Variants in GRTP1 observed in about 807,000 individuals in gnomAD.
GRTP1 encodes the protein growth hormone-regulated TBC protein 1.
In GRTP1, 56 loss-of-function variants were observed where a neutral mutation model predicts 38.1. The ratio of observed to expected loss-of-function variants is 1.47; its 90% CI spans 1.19 to 1.84. The LOEUF is 1.84. Among genes scored for constraint, GRTP1 ranks in the 40% most tolerant of loss-of-function variants. The pLI is 0.00. For synonymous variants in GRTP1, 217 were observed against 189.5 expected, an observed-to-expected ratio of 1.14 and a Z score of -1.19; for missense variants, 506 against 453.9, an observed-to-expected ratio of 1.11 and a Z score of -1.04.
chr13:113,328,405 C>G (rs1566413406), intron 5 of GRTP1, among the ~76,000 whole-genome samples: 1 of 152,250 alleles, frequency 6.6e-6, no homozygotes, highest in African/African-American at 2.4e-5. Flanking sequence ...CATTTCCACT[C>G]TGCAGATCTT....
chr13:113,332,769 G>C (rs1231653801), intron 5 of GRTP1, among the ~76,000 whole-genome samples: 3 of 152,266 alleles, frequency 2.0e-5, no homozygotes, highest in South Asian at 2.1e-4. Flanking sequence ...GAAGGCCCAT[G>C]GGGTGAGCCC....
intron 4 of GRTP1, 28 bp from the exon 5 acceptor site, chr13:113,344,987 T>C (rs2139452815): frequency 1.3e-6 from 2 of 1,582,872 alleles, no homozygotes. Context: ...AGAAACAAAT[T>C]CACATTGAGT....
chr13:113,355,380 A>G lies in GRTP1; in HGVS notation c.283T>C (p.Tyr95His). ...CTCTCTCCCTGGAGAAGCTGGTGGT[A>G]GTAGCCGGGATTCTGGTCCATCTGC... ...QAQMDQNPGY[Y>H]HQLLQGERNP... is the part of the protein sequence containing the mutation. Residue 95 changes from tyrosine (Y) to histidine (H), a missense_variant, in exon 3 of 8, where the codon TAC becomes CAC. Transcript: ENST00000375431. 9.9e-6 allele frequency: 16 copies of G among 1,614,112 alleles called. No individual in the cohort carries two copies. Among genetic ancestry groups the G allele is most frequent in the Non-Finnish European group, 1.4e-5 (16 of 1,180,006 alleles).
intron 2 of GRTP1, among the ~76,000 whole-genome samples, chr13:113,360,652 C>A (rs2043478585): frequency 6.6e-6 from 1 of 152,204 alleles, no homozygotes; most frequent in Non-Finnish European, 1.5e-5. Context: ...CTCCATGTGC[C>A]TCCCACCGGA....
chr13:113,363,732 T>C (rs749476636), intron 2 of GRTP1, 30 bp downstream of exon 2: 63 of 1,544,980 alleles, frequency 4.1e-5, no homozygotes, highest in Middle Eastern at 4.4e-4. Flanking sequence ...ACCTGCGCCC[T>C]CGGGACCCAC....
chr13:113,352,337 TTA>T (rs369351829), intron 3 of GRTP1, among the ~76,000 whole-genome samples: 31 of 51,526 alleles, frequency 6.0e-4, no homozygotes, highest in African/African-American at 9.4e-4. Flanking sequence ...TATATATATT[TTA>T]TATATATATT....
intron 3 of GRTP1, chr13:113,352,062 AT>A (rs2139502129): frequency 6.8e-6 from 1 of 147,784 alleles, no homozygotes; most frequent in Non-Finnish European, 1.5e-5. Flanking sequence ...CTCAGAGCAC[AT>A]TATTTCTCAT....
At chr13:113,331,482 G>T (rs947567977) in intron 5 of GRTP1, among the ~76,000 whole-genome samples, 12 of 152,036 alleles carry the variant, frequency 7.9e-5, no homozygotes, top group Non-Finnish European at 1.8e-4. Flanking sequence ...AGCCACCCGG[G>T]TGCCCACCCA....
chr13:113,358,248 A>C (rs1472989879), intron 2 of GRTP1, among the ~76,000 whole-genome samples: 2 of 152,240 alleles, frequency 1.3e-5, no homozygotes, highest in Non-Finnish European at 2.9e-5. Context: ...AAGAAATAAA[A>C]GGAGAAATAC....
At chr13:113,354,817 G>A (rs894697073) in intron 3 of GRTP1, among the ~76,000 whole-genome samples, 2 of 152,138 alleles carry the variant, frequency 1.3e-5, no homozygotes, top group African/African-American at 4.8e-5. Context: ...GTGAGCCACC[G>A]CGCCCGGCCT....
rs1178845201 is a variant in GRTP1, at chr13:113,348,150, G to C, written c.465+2699C>G. Among the ~76,000 whole-genome samples, 1 of 152,210 alleles carries C rather than the reference G, an allele frequency of 6.6e-6. No individual in the cohort carries two copies. Among genetic ancestry groups the C allele is most frequent in the Non-Finnish European group, 1.5e-5 (1 of 68,032 alleles). ...TGTGGACACATGGAAATGCAGGTGG[G>C]TGATCATCGTGGAGAAAAAGCAGAA... is the stretch of plus-strand genomic sequence containing the variant. On this transcript the variant is annotated intron_variant, in intron 4 of 7. Transcript: ENST00000375431. The surrounding 1 kb of genome is among the most constrained non-coding windows in gnomAD (Gnocchi z 4.8).
chr13:113,329,520 G>GCA (rs1482850753), intron 5 of GRTP1, among the ~76,000 whole-genome samples: 6 of 152,166 alleles, frequency 3.9e-5, no homozygotes, highest in African/African-American at 1.4e-4. Flanking sequence ...GGAGATGAAG[G>GCA]TTGCAGTGAG....
At chr13:113,347,831 C>T (rs2043190266) in intron 4 of GRTP1, among the ~76,000 whole-genome samples, 1 of 147,674 alleles carries the variant, frequency 6.8e-6, no homozygotes. Flanking sequence ...TGGCAGAGAG[C>T]AGACCCGGGA....
At chr13:113,335,329 A>G (rs1444653191) in intron 5 of GRTP1, among the ~76,000 whole-genome samples, 1 of 151,618 alleles carries the variant, frequency 6.6e-6, no homozygotes, top group African/African-American at 2.4e-5. Flanking sequence ...AGGCTGAGGC[A>G]GGAGAATCGC....
At chr13:113,326,243 G>T in intron 5 of GRTP1, 152 bp from the exon 6 acceptor site, 2 of 911,844 alleles carry the variant, frequency 2.2e-6, no homozygotes, top group East Asian at 2.6e-5. Flanking sequence ...GTCGGGGTGA[G>T]GCCTGCAGAC....
chr13:113,324,369 G>A lies in GRTP1; in HGVS notation c.*119C>T, dbSNP rs2139381799. On this transcript the variant is annotated 3_prime_UTR_variant, in exon 8 of 8. Coordinates refer to ENST00000375431, the MANE Select transcript of GRTP1 (RefSeq NM_024719.4). ...CTCTTTTAAAAAATTCACAACTAAA[G>A]TGTAGTGATGTCAAGTATTTACAAC... The A allele has an allele frequency of 1.5e-6, 2 of 1,343,646 alleles. No homozygotes were observed. The highest frequency in any genetic ancestry group is 1.5e-5 in the African/African-American group (1 of 66,516). 83.2% of individuals were successfully genotyped at this position (1,343,646 alleles called of 1,614,324 possible).
In GRTP1 at chr13:113,356,255, ATATTT is replaced by A. The variant is rs555634470; in HGVS notation, c.182-779_182-775del. Among the ~76,000 whole-genome samples, 300 of 152,154 alleles carry A rather than the reference ATATTT, an allele frequency of 2.0e-3. 1 individual carries two copies. Among genetic ancestry groups the A allele is most frequent in the African/African-American group, 5.2e-3 (214 of 41,530 alleles). On this transcript the variant is annotated intron_variant, in intron 2 of 7. Transcript: ENST00000375431. ...GTTTTCCTTTGATACTACACTATATATATTTTATTTTATTTTATTTTATTTTTTTC... is the reference window on the plus strand; with the variant it reads ...GTTTTCCTTTGATACTACACTATATATATTTTATTTTATTTTATTTTTTTC...
intron 2 of GRTP1, among the ~76,000 whole-genome samples, chr13:113,358,439 T>C (rs2043435702): frequency 6.6e-6 from 1 of 152,156 alleles, no homozygotes; most frequent in Admixed American, 6.5e-5. Context: ...TTTATCACTG[T>C]TCCAGGAAAA....
rs534307678 is a variant in GRTP1 at position 113,363,618 on chromosome 13, C to T, written c.181+144G>A. ...GGGAAAACCGGTCCCTGCGGCTGCC[C>T]TAGCTCGGAGCCCGCAGCTTCGTCC... On this transcript the variant is annotated intron_variant, in intron 2 of 7. Transcript: ENST00000375431. 1.2e-5 allele frequency: 10 copies of T among 859,270 alleles called. No individual in the cohort carries two copies. In the African/African-American group the frequency reaches 1.4e-4, roughly 12 times the overall value. 53.2% of individuals were successfully genotyped at this position (859,270 alleles called of 1,614,324 possible).
Sources: gnomAD v4.1 joint callset for allele counts (sites outside exome capture counted in the v4.1 genomes callset) on GRCh38, gnomAD v4.1.1 for gene constraint, Gnocchi (gnomAD v3.1) non-coding constraint, MANE v1.5 for transcripts, NCBI Gene and HGNC (gene_info 2026-07-23, HGNC 2026-07-21) for gene names.